ZNF132: variants seen among roughly 807,000 people sequenced by gnomAD.
ZNF132 encodes the protein zinc finger protein 132 (clone pHZ-12).
A neutral mutation model predicts 9.3 loss-of-function variants in ZNF132; 6 were observed. That is an observed-to-expected ratio of 0.65 (90% CI 0.35 to 1.28). ZNF132 has a LOEUF of 1.28. Among genes scored for constraint, ZNF132 ranks in the 50% most tolerant of loss-of-function variants. The pLI is 0.03. For missense variants in ZNF132, 877 were observed against 843.2 expected (o/e 1.04, Z -0.50); for synonymous variants, 296 against 292.0 (o/e 1.01, Z -0.14).
At chr19:58,439,564 G>A (rs549741723) in intron 1 of ZNF132, among the ~76,000 whole-genome samples, 195 bp downstream of exon 1, 1 of 152,338 alleles carries the variant, frequency 6.6e-6, no homozygotes, top group East Asian at 1.9e-4. Context: ...CCAGAAATGG[G>A]AATCCCTCGA....
chr19:58,436,624 C>T (rs953196194), intron 2 of ZNF132, among the ~76,000 whole-genome samples: 51 of 143,428 alleles, frequency 3.6e-4, no homozygotes, highest in Admixed American at 5.9e-4. Flanking sequence ...GCTGAGATCA[C>T]GCCACTGCAC....
rs2122289623 is a variant in ZNF132, at chr19:58,433,205, G to A, written c.*118C>T. Reference sequence around the variant, plus strand: ...GCTGGTCAGAAACAGAGTAGCTTCTGAAGGCTTTTCCACATTAGCAGTACA... The same window carrying A: ...GCTGGTCAGAAACAGAGTAGCTTCTAAAGGCTTTTCCACATTAGCAGTACA... On this transcript the variant is annotated 3_prime_UTR_variant, in exon 3 of 3. Coordinates refer to ENST00000254166, the MANE Select transcript of ZNF132 (RefSeq NM_003433.4). The A allele has an allele frequency of 3.6e-6, 4 of 1,113,456 alleles. No homozygotes were observed. Among genetic ancestry groups the A allele is most frequent in the East Asian group, 2.4e-5 (1 of 41,262 alleles). 69.0% of individuals were successfully genotyped at this position (1,113,456 alleles called of 1,614,324 possible).
Position 58,434,142 on chromosome 19 carries a change from A to C in ZNF132, c.1302T>G (p.Ser434Arg). 6.2e-7 allele frequency: 1 copy of C among 1,613,876 alleles called. No homozygotes were observed. Among genetic ancestry groups the C allele is most frequent in the South Asian group, 1.1e-5 (1 of 91,052 alleles). The change falls in exon 3 of 3, where the codon AGT (serine) becomes AGG (arginine). Residue 434 changes from serine to arginine, a missense_variant. Transcript: ENST00000254166. ...VHTGERPYEC[S>R]ECGRAFNNNS... ...TATTGTTAAAAGCTCTTCCACATTC[A>C]CTGCATTCATACGGTCTTTCTCCAG...
At chr19:58,437,791 C>T (rs2052781390) in intron 1 of ZNF132, 1 of 985,490 alleles carries the variant, frequency 1.0e-6, no homozygotes, top group Non-Finnish European at 1.2e-6. Flanking sequence ...AACCCCACTG[C>T]AAGAGGCAGT....
At position 58,433,762 on chromosome 19, in the gene ZNF132, T is replaced by C; in HGVS notation, c.1682A>G (p.His561Arg). ...CCTTTCTTTTGTGTGAACTCTCCAG[T>C]GTTCAATGAGAGTGGAGCTGTGAGC... is the stretch of plus-strand genomic sequence containing the variant. ...AFAHSSTLIE[H>R]WRVHTKERPY... Residue 561 changes from histidine to arginine, a missense_variant, in exon 3 of 3, where the codon CAC (histidine) becomes CGC (arginine). His to Arg is a conservative substitution (Grantham distance 29). Coordinates refer to ENST00000254166, the MANE Select transcript of ZNF132 (RefSeq NM_003433.4). 2 of 1,614,234 alleles carry C rather than the reference T, an allele frequency of 1.2e-6. No individual in the cohort carries two copies. Among genetic ancestry groups the C allele is most frequent in the Middle Eastern group, 1.6e-4 (1 of 6,062 alleles).
Position 58,435,073 on chromosome 19 carries a change from T to C in ZNF132, c.371A>G (p.Lys124Arg), listed in dbSNP as rs756293073. The C allele has an allele frequency of 1.2e-6, 2 of 1,614,072 alleles. No individual in the cohort carries two copies. The highest frequency in any genetic ancestry group is 1.7e-6 in the Non-Finnish European group (2 of 1,180,024). The change falls in exon 3 of 3, where the codon AAA becomes AGA. Residue 124 changes from lysine (K) to arginine (R), a missense_variant. By Grantham distance (26) the Lys-to-Arg change is conservative. Transcript: ENST00000254166. ...NSCDMCGPFL[K>R]DILHLAEHQG... ...ATGCTCAGCCAGGTGCAAAATGTCT[T>C]TCAAGAATGGCCCACACATGTCACA...
intron 2 of ZNF132, chr19:58,436,760 G>T: frequency 1.9e-6 from 1 of 522,782 alleles, no homozygotes; most frequent in Admixed American, 2.8e-5. Flanking sequence ...AACCCGACCA[G>T]GGATTGGTGA....
At chr19:58,436,919 A>T in intron 2 of ZNF132, 128 bp downstream of exon 2, 7 of 1,289,880 alleles carry the variant, frequency 5.4e-6, no homozygotes, top group Non-Finnish European at 7.8e-6. Context: ...TCAGCACCCC[A>T]GCACCTACAA....
chr19:58,435,010 C>T lies in ZNF132; in HGVS notation c.434G>A (p.Gly145Glu). The T allele has an allele frequency of 1.9e-6, 3 of 1,614,168 alleles. No individual in the cohort carries two copies. Among genetic ancestry groups the T allele is most frequent in the South Asian group, 1.1e-5 (1 of 91,078 alleles). Residue 145 changes from glycine (G) to glutamate (E), a missense_variant, in exon 3 of 3, where the codon GGA becomes GAA. Coordinates refer to ENST00000254166, the MANE Select transcript of ZNF132 (RefSeq NM_003433.4). ...CAACCAAAAGTCTCTCCCACATGCT[C>T]CACATGTGTAGGGTTTCTCCTCAGA... ...TQSEEKPYTC[G>E]ACGRDFWLNA... is the part of the protein sequence containing the mutation.
intron 2 of ZNF132, chr19:58,435,655 C>G (rs1447338816): frequency 6.2e-6 from 1 of 160,314 alleles, no homozygotes; most frequent in East Asian, 1.9e-4. Flanking sequence ...ACACTGCAGA[C>G]AGGGATGTAA....
At chr19:58,439,651 C>A in intron 1 of ZNF132, 108 bp downstream of exon 1, 1 of 1,235,376 alleles carries the variant, frequency 8.1e-7, no homozygotes, top group Non-Finnish European at 1.1e-6. Flanking sequence ...CGTGTGAGGA[C>A]AGGACACGAT....
rs1480799870 is a variant in ZNF132, at chr19:58,434,545, A to G, written c.899T>C (p.Phe300Ser). The G allele has an allele frequency of 1.2e-5, 19 of 1,614,060 alleles. No individual in the cohort carries two copies. Among genetic ancestry groups the G allele is most frequent in the Non-Finnish European group, 1.5e-5 (18 of 1,180,030 alleles). The change falls in exon 3 of 3, where the codon TTT (phenylalanine) becomes TCT (serine). Residue 300 changes from phenylalanine (F) to serine (S), a missense_variant. Physicochemically the swap from Phe to Ser is radical, Grantham distance 155 (BLOSUM62 -2). Coordinates refer to ENST00000254166, the MANE Select transcript of ZNF132 (RefSeq NM_003433.4). ...CTTCCTCAGCTTAGATGAGTGACTA[A>G]AGGCCTTCCCACACTCCTTACACAC... ...PHVCKECGKA[F>S]SHSSKLRKHQ...
rs1427532945 is a variant in ZNF132 at position 58,433,442 on chromosome 19, A to C, written c.2002T>G (p.Ser668Ala). The change falls in exon 3 of 3, where the codon TCT (serine) becomes GCT (alanine). Residue 668 changes from serine to alanine, a missense_variant. Coordinates refer to ENST00000254166, the MANE Select transcript of ZNF132 (RefSeq NM_003433.4). ...IQCGKAFSER[S>A]TLVRHQKVHT... The stretch of plus-strand genomic sequence containing the variant: ...ACTTTCTGGTGCCGAACAAGTGTAG[A>C]TCTTTCACTAAAGGCTTTTCCACAC... The C allele has an allele frequency of 6.2e-7, 1 of 1,614,020 alleles. No homozygotes were observed. Among genetic ancestry groups the C allele is most frequent in the Non-Finnish European group, 8.5e-7 (1 of 1,180,020 alleles).
Position 58,437,015 on chromosome 19 carries a change from G to A in ZNF132, c.232+32C>T, listed in dbSNP as rs199724943. ...ATGGGGAAAAGACACAAGGCATAAGGTAGTCATCACCATGCTGAGACAGGG... is the reference window on the plus strand; with the variant it reads ...ATGGGGAAAAGACACAAGGCATAAGATAGTCATCACCATGCTGAGACAGGG... On this transcript the variant is annotated intron_variant, in intron 2 of 2. Coordinates refer to ENST00000254166, the MANE Select transcript of ZNF132 (RefSeq NM_003433.4). 1.5e-5 allele frequency: 25 copies of A among 1,614,014 alleles called. No individual in the cohort carries two copies. In the East Asian group the frequency reaches 4.2e-4, roughly 27 times the overall value.
Position 58,433,349 on chromosome 19 carries a change from C to T in ZNF132, c.2095G>A (p.Ala699Thr). The change falls in exon 3 of 3, where the codon GCA (alanine) becomes ACA (threonine). Residue 699 changes from alanine (A) to threonine (T), a missense_variant. Transcript: ENST00000254166. ...CAGGTATGAATCTTTTTATGCTGTG[C>T]AAGGTTACAAAGATGGCTGAAGAGT... ...GKLFSHLCNLAQHKKIHT is the reference protein window; with the variant it reads ...GKLFSHLCNLTQHKKIHT The T allele has an allele frequency of 6.2e-7, 1 of 1,614,042 alleles. No individual in the cohort carries two copies. Among genetic ancestry groups the T allele is most frequent in the Non-Finnish European group, 8.5e-7 (1 of 1,179,944 alleles).
At position 58,433,012 on chromosome 19, in the gene ZNF132, A is replaced by AACCCTCTCAGAG; in HGVS notation, c.*310_*311insCTCTGAGAGGGT. On this transcript the variant is annotated 3_prime_UTR_variant, in exon 3 of 3. Coordinates refer to ENST00000254166, the MANE Select transcript of ZNF132 (RefSeq NM_003433.4). ...CCCTCAACCAGCATCGGTTCAGCTG[A>AACCCTCTCAGAG]GCACAGTCCTGAATCCCTAGAGAAC... The AACCCTCTCAGAG allele has an allele frequency of 2.7e-6, 1 of 371,912 alleles. No homozygotes were observed. Among genetic ancestry groups the AACCCTCTCAGAG allele is most frequent in the Non-Finnish European group, 4.8e-6 (1 of 207,222 alleles). 23.0% of individuals were successfully genotyped at this position (371,912 alleles called of 1,614,324 possible).
In ZNF132 at chr19:58,434,686, T is replaced by C. The variant is rs755537640; in HGVS notation, c.758A>G (p.Asn253Ser). The C allele has an allele frequency of 5.0e-6, 8 of 1,614,160 alleles. No individual in the cohort carries two copies. The highest frequency in any genetic ancestry group is 2.2e-5 in the East Asian group (1 of 44,886). ...CTCTTCAGAGTGAGTTCTCAGATGG[T>C]TGGGGAGAGTGGAGCTCTTCAGGAA... is the stretch of plus-strand genomic sequence containing the variant. ...KAFLKSSTLP[N>S]HLRTHSEEIP... Residue 253 changes from asparagine to serine, a missense_variant, in exon 3 of 3, where the codon AAC becomes AGC. By Grantham distance (46) the Asn-to-Ser change is conservative (BLOSUM62 1). Transcript: ENST00000254166.
At position 58,433,237 on chromosome 19, in the gene ZNF132, T is replaced by G. The variant is rs138762748; in HGVS notation, c.*86A>C. The G allele has an allele frequency of 9.3e-6, 13 of 1,401,230 alleles. No individual in the cohort carries two copies. The East Asian group carries it at 2.5e-4, about 27-fold the overall frequency. 86.8% of individuals were successfully genotyped at this position (1,401,230 alleles called of 1,614,324 possible). On this transcript the variant is annotated 3_prime_UTR_variant, in exon 3 of 3. Coordinates refer to ENST00000254166, the MANE Select transcript of ZNF132 (RefSeq NM_003433.4). The stretch of plus-strand genomic sequence containing the variant: ...TTTCCACATTAGCAGTACATGTAGG[T>G]AATTTTTCTGGTATGGGGATTCTGC...
intron 2 of ZNF132, among the ~76,000 whole-genome samples, chr19:58,436,524 T>C (rs894640459): frequency 2.6e-5 from 4 of 151,466 alleles, no homozygotes; most frequent in Admixed American, 6.6e-5. Context: ...AAAAATTAGC[T>C]GGGTGTGGTG....
Sources: gnomAD v4.1 joint callset for allele counts (sites outside exome capture counted in the v4.1 genomes callset) on GRCh38, gnomAD v4.1.1 for gene constraint, MANE v1.5 for transcripts, NCBI Gene and HGNC (gene_info 2026-07-23, HGNC 2026-07-21) for gene names.